Variants in PDK1 observed in about 807,000 individuals in gnomAD.
PDK1 encodes the protein pyruvate dehydrogenase kinase 1, also known as [Pyruvate dehydrogenase (acetyl-transferring)] kinase isozyme 1, mitochondrial.
In PDK1, 39 loss-of-function variants were observed where a neutral mutation model predicts 54.2. The ratio of observed to expected loss-of-function variants is 0.72; its 90% CI spans 0.56 to 0.94. The LOEUF is 0.94. PDK1 is among the 40% of genes least tolerant of loss of function. PDK1 has a pLI of 0.00. For missense variants in PDK1, 552 were observed against 566.0 expected (o/e 0.98, Z 0.25); for synonymous variants, 221 against 207.1 (o/e 1.07, Z -0.58).
the PDK1 span, among the ~76,000 whole-genome samples, chr2:172,666,970 AT>A: frequency 5.6e-4 from 85 of 152,264 alleles, no homozygotes; most frequent in African/African-American, 1.7e-3. Flanking sequence ...AGAAATTTTA[AT>A]TTTTTAATTT....
At chr2:172,710,077 A>G in the PDK1 span, among the ~76,000 whole-genome samples, 1 of 152,334 alleles carries the variant, frequency 6.6e-6, no homozygotes, top group African/African-American at 2.4e-5. Flanking sequence ...CTGGGTATGC[A>G]GCCAGGGGAA....
At chr2:172,629,511 G>A in the PDK1 span, among the ~76,000 whole-genome samples, 1 of 152,146 alleles carries the variant, frequency 6.6e-6, no homozygotes, top group Non-Finnish European at 1.5e-5. Context: ...TCCAGGGGAA[G>A]ACCATCTTCC....
the PDK1 span, among the ~76,000 whole-genome samples, chr2:172,626,719 G>A: frequency 6.6e-6 from 1 of 151,866 alleles, no homozygotes; most frequent in African/African-American, 2.4e-5. Context: ...GCTTGAACCT[G>A]GCGGTTGAGG....
At chr2:172,639,613 GC>G in the PDK1 span, among the ~76,000 whole-genome samples, 11 of 152,274 alleles carry the variant, frequency 7.2e-5, 1 homozygote, top group African/African-American at 2.6e-4. Flanking sequence ...AATAAGTGAT[GC>G]TAACTTAAAT....
the PDK1 span, among the ~76,000 whole-genome samples, chr2:172,703,656 G>A: frequency 6.6e-6 from 1 of 151,860 alleles, no homozygotes; most frequent in Admixed American, 6.6e-5. Flanking sequence ...ATCTTAGATA[G>A]GATGGTATTT....
At chr2:172,669,051 ATTTTTTTTTT>A in the PDK1 span, among the ~76,000 whole-genome samples, 2 of 70,550 alleles carry the variant, frequency 2.8e-5, no homozygotes, top group Non-Finnish European at 5.2e-5. Context: ...GAATTTCCTG[ATTTTTTTTTT>A]TTTTTTTTTT....
At chr2:172,686,220 C>T in the PDK1 span, among the ~76,000 whole-genome samples, 1 of 152,176 alleles carries the variant, frequency 6.6e-6, no homozygotes, top group East Asian at 1.9e-4. Context: ...CCTGTGGCAG[C>T]CATAGAGATA....
the PDK1 span, chr2:172,674,097 A>G: frequency 6.6e-6 from 1 of 152,278 alleles, no homozygotes; most frequent in South Asian, 2.1e-4. Context: ...GAGATGATGA[A>G]CTATCAACAA....
intron 8 of PDK1, among the ~76,000 whole-genome samples, chr2:172,573,263 T>C (rs1689382057): frequency 6.6e-6 from 1 of 152,212 alleles, no homozygotes; most frequent in Non-Finnish European, 1.5e-5. Context: ...GTAGTCTGTC[T>C]TTTTTATTAT....
In PDK1 at chr2:172,606,877, C is replaced by T. The variant is rs552513893; in HGVS notation, c.*10908C>T. On this transcript the variant is annotated 3_prime_UTR_variant, in exon 11 of 11. Coordinates refer to ENST00000282077, the MANE Select transcript of PDK1 (RefSeq NM_002610.5). ...GTCTAGTTCCAAAACATTTTTATCA[C>T]CCTAAAAGGAAACCTTGCACCCATT... The T allele has an allele frequency of 5.9e-5, 9 of 152,170 alleles. No homozygotes were observed. The highest frequency in any genetic ancestry group is 2.2e-4 in the African/African-American group (9 of 41,510). The allele number at this position is 152,170 out of a possible 1,614,324, so 9.4% of individuals were successfully genotyped here.
At chr2:172,656,491 A>T in the PDK1 span, among the ~76,000 whole-genome samples, 1 of 152,052 alleles carries the variant, frequency 6.6e-6, no homozygotes, top group Admixed American at 6.5e-5. Context: ...GGAGTTGAGT[A>T]TTTTTCTTCC....
At chr2:172,651,880 A>G in the PDK1 span, among the ~76,000 whole-genome samples, 2 of 152,358 alleles carry the variant, frequency 1.3e-5, no homozygotes, top group African/African-American at 4.8e-5. Flanking sequence ...GCCGAATTCT[A>G]CCAGTGGTAT....
chr2:172,660,245 C>CTTTTTTT, the PDK1 span, among the ~76,000 whole-genome samples: 2,438 of 55,422 alleles, frequency 0.044, 649 homozygotes, highest in Middle Eastern at 0.18. Flanking sequence ...CTCTCTCTCT[C>CTTTTTTT]TCTTTTTTTT....
At position 172,604,662 on chromosome 2, in the gene PDK1, G is replaced by A. The variant is rs1418536694; in HGVS notation, c.*8693G>A. The A allele has an allele frequency of 6.6e-6, 1 of 152,108 alleles. No individual in the cohort carries two copies. Among genetic ancestry groups the A allele is most frequent in the Non-Finnish European group, 1.5e-5 (1 of 68,030 alleles). 9.4% of individuals were successfully genotyped at this position (152,108 alleles called of 1,614,324 possible). A position where few individuals can be genotyped will look rare whatever the true frequency, so the allele number is the denominator to read the frequency against. On this transcript the variant is annotated 3_prime_UTR_variant, in exon 11 of 11. Coordinates refer to ENST00000282077, the MANE Select transcript of PDK1 (RefSeq NM_002610.5). The stretch of plus-strand genomic sequence containing the variant: ...TCTTTGATGTGGTGTCCATAATTGA[G>A]TAAATGGCAGTATGTCCAATGGCAA...
chr2:172,619,422 G>T, the PDK1 span, among the ~76,000 whole-genome samples: 1 of 152,024 alleles, frequency 6.6e-6, no homozygotes, highest in African/African-American at 2.4e-5. Flanking sequence ...ACCAGGAAAA[G>T]CAGACACTGC....
chr2:172,646,735 C>CTTTTGTTTTTTTT, the PDK1 span, among the ~76,000 whole-genome samples: 1 of 72,060 alleles, frequency 1.4e-5, no homozygotes, highest in Non-Finnish European at 2.7e-5. Context: ...CTTGCATTTC[C>CTTTTGTTTTTTTT]TTTTTTTTTT....
chr2:172,571,730 A>G (rs1211740625), intron 8 of PDK1, among the ~76,000 whole-genome samples: 3 of 151,954 alleles, frequency 2.0e-5, no homozygotes, highest in Non-Finnish European at 4.4e-5. Flanking sequence ...AATTTATATT[A>G]AAGTAATAAA....
At chr2:172,637,675 C>G in the PDK1 span, among the ~76,000 whole-genome samples, 1 of 151,988 alleles carries the variant, frequency 6.6e-6, no homozygotes, top group African/African-American at 2.4e-5. Context: ...ACTTCTACAT[C>G]AATAGGCTGC....
At chr2:172,620,601 G>A in the PDK1 span, among the ~76,000 whole-genome samples, 17 of 152,170 alleles carry the variant, frequency 1.1e-4, no homozygotes, top group African/African-American at 2.7e-4. Context: ...CGCAGTATTG[G>A]AAGTGGGACT....
Sources: gnomAD v4.1 joint callset for allele counts (sites outside exome capture counted in the v4.1 genomes callset) on GRCh38, gnomAD v4.1.1 for gene constraint, MANE v1.5 for transcripts, NCBI Gene and HGNC (gene_info 2026-07-23, HGNC 2026-07-21) for gene names.